Variants in CRYBG1 observed in about 807,000 individuals in gnomAD.
CRYBG1 encodes crystallin beta-gamma domain containing 1.
CRYBG1 carries 139 observed loss-of-function variants against 189.2 expected under a neutral mutation model. The observed-to-expected ratio is 0.73, with a 90% CI of 0.64 to 0.85. The LOEUF (loss-of-function observed/expected upper bound fraction) is 0.85, where lower values mean the gene tolerates loss of function less well. Ranked by LOEUF, CRYBG1 falls within the 40% of genes least tolerant of loss-of-function variation. The pLI, the probability that CRYBG1 is intolerant of heterozygous loss-of-function variation, is 0.00. For synonymous variants in CRYBG1, 1,023 were observed against 1,017.1 expected (o/e 1.01, Z -0.11); for missense variants, 2,611 against 2,675.8 (o/e 0.98, Z 0.53).
At chr6:106,362,095 G>C (rs1225286749) in intron 1 of CRYBG1, among the ~76,000 whole-genome samples, 1 of 148,358 alleles carries the variant, frequency 6.7e-6, no homozygotes, top group African/African-American at 2.5e-5. Context: ...CTCAGCCCCC[G>C]AGTAGCTGGG....
chr6:106,434,525 T>C (rs1275302896), intron 1 of CRYBG1, among the ~76,000 whole-genome samples: 1 of 152,146 alleles, frequency 6.6e-6, no homozygotes, highest in African/African-American at 2.4e-5. Context: ...CAATGAAGGT[T>C]ATAAAAGTGC....
chr6:106,495,853 C>T (rs960409732), intron 2 of CRYBG1, among the ~76,000 whole-genome samples: 2 of 147,978 alleles, frequency 1.4e-5, no homozygotes, highest in African/African-American at 5.0e-5. Context: ...TTCCCCCCTG[C>T]CCCCTTTTCA....
At chr6:106,414,286 C>T (rs80076574) in intron 1 of CRYBG1, among the ~76,000 whole-genome samples, 2,389 of 152,340 alleles carry the variant, frequency 0.016, 57 homozygotes, top group African/African-American at 0.056. Flanking sequence ...CTGGTTTGCT[C>T]CTTTGGGAGA....
intron 2 of CRYBG1, among the ~76,000 whole-genome samples, chr6:106,476,396 C>G (rs532713492): frequency 1.3e-5 from 2 of 152,098 alleles, no homozygotes; most frequent in African/African-American, 2.4e-5. Context: ...ATTCTATAAA[C>G]GTCAAGGCCC....
chr6:106,483,401 T>TATATATATGTATATATATATA, intron 2 of CRYBG1, among the ~76,000 whole-genome samples: 2,985 of 95,500 alleles, frequency 0.031, 251 homozygotes, highest in Non-Finnish European at 0.057. Flanking sequence ...GATATATATA[T>TATATATATGTATATATATATA]AAAACATTTT....
chr6:106,530,396 T>C (rs1773852248), intron 8 of CRYBG1, 81 bp downstream of exon 8: 1 of 1,325,868 alleles, frequency 7.5e-7, no homozygotes, highest in Non-Finnish European at 1.0e-6. Context: ...TAAGATACTC[T>C]GACTCTAATT....
intron 1 of CRYBG1, among the ~76,000 whole-genome samples, chr6:106,443,774 T>C (rs1366103178): frequency 6.6e-6 from 1 of 152,228 alleles, no homozygotes; most frequent in Non-Finnish European, 1.5e-5. Context: ...ATACATGAGA[T>C]ATTTTGATAC....
rs536573896 is a variant in CRYBG1 at position 106,411,992 on chromosome 6, C to T, written c.174-39702C>T. On this transcript the variant is annotated intron_variant, in intron 1 of 21. Transcript: ENST00000633556. Reference sequence around the variant, plus strand: ...GGCAGCCAATTGGATGGTGTCCACCCGCATTGAGCGTGGGTCTTTTTCTCC... The same window carrying T: ...GGCAGCCAATTGGATGGTGTCCACCTGCATTGAGCGTGGGTCTTTTTCTCC... Among the ~76,000 whole-genome samples the T allele has an allele frequency of 4.6e-5, 7 of 152,346 alleles. No individual in the cohort carries two copies. In the East Asian group the frequency reaches 1.2e-3, roughly 25 times the overall value.
intron 1 of CRYBG1, among the ~76,000 whole-genome samples, chr6:106,446,909 G>A (rs914726422): frequency 6.6e-6 from 1 of 152,204 alleles, no homozygotes; most frequent in African/African-American, 2.4e-5. Flanking sequence ...TCTCCAGGGA[G>A]AGGGGCAATC....
At chr6:106,448,052 A>T (rs932035577) in intron 1 of CRYBG1, among the ~76,000 whole-genome samples, 2 of 152,192 alleles carry the variant, frequency 1.3e-5, no homozygotes, top group Non-Finnish European at 2.9e-5. Flanking sequence ...TCTAGAGAGG[A>T]AGTAGAACAT....
intron 1 of CRYBG1, among the ~76,000 whole-genome samples, chr6:106,368,022 G>T (rs1769924742): frequency 6.6e-6 from 1 of 152,046 alleles, no homozygotes; most frequent in Admixed American, 6.6e-5. Flanking sequence ...TGTAGTATTT[G>T]TCCACAATTA....
intron 1 of CRYBG1, among the ~76,000 whole-genome samples, chr6:106,407,554 C>T (rs1343566555): frequency 6.6e-6 from 1 of 152,128 alleles, no homozygotes; most frequent in East Asian, 1.9e-4. Context: ...AACTCTCCAC[C>T]CCAAATCAAC....
intron 1 of CRYBG1, among the ~76,000 whole-genome samples, chr6:106,431,582 G>GA (rs796421611): frequency 3.3e-4 from 50 of 152,032 alleles, no homozygotes; most frequent in African/African-American, 1.0e-3. Context: ...ACACCAATCT[G>GA]AAAAAAAATC....
intron 1 of CRYBG1, among the ~76,000 whole-genome samples, chr6:106,390,872 A>G (rs903306016): frequency 2.0e-5 from 3 of 152,200 alleles, no homozygotes; most frequent in Admixed American, 1.3e-4. Context: ...AAAAGGTCCT[A>G]TGAACATTTT....
chr6:106,519,559 A>G lies in CRYBG1; in HGVS notation c.2351A>G (p.Asp784Gly), dbSNP rs944316250. ...GCTCTTGGTCCTCAGCCTAACCAAG[A>G]TGATAAAGCAGATGTACAAACAGAT... ...NQALGPQPNQ[D>G]DKADVQTDAG... is the part of the protein sequence containing the mutation. The change falls in exon 4 of 22, where the codon GAT becomes GGT. Residue 784 changes from aspartate (D) to glycine (G), a missense_variant. By Grantham distance (94) the Asp-to-Gly change is moderately conservative. Transcript: ENST00000633556. 1 of 1,614,088 alleles carries G rather than the reference A, an allele frequency of 6.2e-7. No homozygotes were observed. The highest frequency in any genetic ancestry group is 1.3e-5 in the African/African-American group (1 of 74,940).
chr6:106,384,053 G>T (rs1770338388), intron 1 of CRYBG1, among the ~76,000 whole-genome samples: 1 of 152,220 alleles, frequency 6.6e-6, no homozygotes, highest in Non-Finnish European at 1.5e-5. Context: ...GTGACAGCAG[G>T]TGTGAACTCA....
In CRYBG1 at chr6:106,360,859, C is replaced by T. The variant is rs533008287; in HGVS notation, c.-50C>T. On this transcript the variant is annotated 5_prime_UTR_variant, in exon 1 of 22. Transcript: ENST00000633556. ...GGTGTGTTCTTCCATAGGGCCCGGGCGGCAGAGAGGACCGCGTCCCGGCAG... is the reference window on the plus strand; with the variant it reads ...GGTGTGTTCTTCCATAGGGCCCGGGTGGCAGAGAGGACCGCGTCCCGGCAG... The T allele has an allele frequency of 6.0e-6, 9 of 1,489,402 alleles. No homozygotes were observed. The highest frequency in any genetic ancestry group is 8.0e-6 in the Non-Finnish European group (9 of 1,123,774). The allele number at this position is 1,489,402 out of a possible 1,614,324, so 92.3% of individuals were successfully genotyped here.
chr6:106,568,355 C>T lies in CRYBG1; in HGVS notation c.6302-117C>T. 3 of 764,312 alleles carry T rather than the reference C, an allele frequency of 3.9e-6. No homozygotes were observed. In the South Asian group the frequency reaches 6.2e-5, roughly 16 times the overall value. The allele number at this position is 764,312 out of a possible 1,614,324, so 47.3% of individuals were successfully genotyped here. A position where few individuals can be genotyped will look rare whatever the true frequency, so the allele number is the denominator to read the frequency against. Reference sequence around the variant, plus strand: ...CCCTGCCTTGCCTCCTTGAGGCATGCAGTTCTACACCTTGTTTACTTGCTT... The same window carrying T: ...CCCTGCCTTGCCTCCTTGAGGCATGTAGTTCTACACCTTGTTTACTTGCTT... On this transcript the variant is annotated intron_variant, in intron 21 of 21. Transcript: ENST00000633556.
At chr6:106,440,242 TCC>T (rs1771541571) in intron 1 of CRYBG1, among the ~76,000 whole-genome samples, 1 of 121,464 alleles carries the variant, frequency 8.2e-6, no homozygotes, top group Non-Finnish European at 1.9e-5. Flanking sequence ...TTTCCTTTCT[TCC>T]TCTCTCTCTC....
Sources: gnomAD v4.1 joint callset for allele counts (sites outside exome capture counted in the v4.1 genomes callset) on GRCh38, gnomAD v4.1.1 for gene constraint, MANE v1.5 for transcripts, NCBI Gene and HGNC (gene_info 2026-07-23, HGNC 2026-07-21) for gene names.